Variants in RNLS observed in about 807,000 individuals in gnomAD.
RNLS encodes renalase, FAD dependent amine oxidase.
Under a neutral mutation model 39.8 loss-of-function variants are expected in RNLS, and 39 were observed. The ratio of observed to expected loss-of-function variants is 0.98; its 90% CI spans 0.76 to 1.28. The LOEUF (loss-of-function observed/expected upper bound fraction) is 1.28, where lower values mean the gene tolerates loss of function less well. Among genes scored for constraint, RNLS ranks in the 50% most tolerant of loss-of-function variants. The pLI, the probability that RNLS is intolerant of heterozygous loss-of-function variation, is 0.00. For missense variants in RNLS, 410 were observed against 413.3 expected (o/e 0.99, Z 0.07); for synonymous variants, 147 against 150.7 (o/e 0.98, Z 0.18).
chr10:88,402,723 CTA>C (rs1275666980), intron 4 of RNLS, among the ~76,000 whole-genome samples: 1 of 151,872 alleles, frequency 6.6e-6, no homozygotes, highest in African/African-American at 2.4e-5. Flanking sequence ...CTAGAAAATT[CTA>C]TCTTATAGAA....
At chr10:88,334,509 A>G (rs1016173608) in intron 5 of RNLS, among the ~76,000 whole-genome samples, 38 of 152,334 alleles carry the variant, frequency 2.5e-4, no homozygotes, top group African/African-American at 8.4e-4. Flanking sequence ...GACTCACTTC[A>G]TTTGAAAGGA....
intron 4 of RNLS, among the ~76,000 whole-genome samples, chr10:88,491,029 A>G (rs1243032903): frequency 6.6e-6 from 1 of 152,184 alleles, no homozygotes; most frequent in Non-Finnish European, 1.5e-5. Flanking sequence ...TCTGTAAGAA[A>G]GCACACAGAT....
the RNLS span, among the ~76,000 whole-genome samples, chr10:88,172,842 G>GTTTTTTTT: frequency 0.039 from 1,718 of 43,602 alleles, 605 homozygotes; most frequent in East Asian, 0.051. Flanking sequence ...ATTTTGAGTT[G>GTTTTTTTT]TTTTTTTTTT....
At chr10:88,484,987 T>C (rs1452864927) in intron 4 of RNLS, among the ~76,000 whole-genome samples, 2 of 151,994 alleles carry the variant, frequency 1.3e-5, no homozygotes. Flanking sequence ...GCATCTCATG[T>C]TATTTGATGC....
At chr10:88,231,365 A>T in the RNLS span, among the ~76,000 whole-genome samples, 1 of 152,238 alleles carries the variant, frequency 6.6e-6, no homozygotes, top group African/African-American at 2.4e-5. Context: ...GAGGCCTCAG[A>T]AGAAACACCC....
intron 4 of RNLS, among the ~76,000 whole-genome samples, chr10:88,409,582 T>A (rs908212657): frequency 1.3e-5 from 2 of 152,106 alleles, no homozygotes; most frequent in African/African-American, 2.4e-5. Flanking sequence ...TTTGAAAATG[T>A]ATGTTACTTA....
rs553099105 is a variant in RNLS at position 88,333,451 on chromosome 10, C to T, written c.701-18810G>A. Reference sequence around the variant, plus strand: ...TCCTGAAATTTTCTACAAATGAGCCCGCATATTTACTTCCCGTTTAATAAC... The same window carrying T: ...TCCTGAAATTTTCTACAAATGAGCCTGCATATTTACTTCCCGTTTAATAAC... On this transcript the variant is annotated intron_variant, in intron 5 of 6. Coordinates refer to ENST00000331772, the MANE Select transcript of RNLS (RefSeq NM_001031709.3). Among the ~76,000 whole-genome samples, 18 of 152,186 alleles carry T rather than the reference C, an allele frequency of 1.2e-4. 1 individual carries two copies. Among genetic ancestry groups the T allele is most frequent in the Non-Finnish European group, 2.4e-4 (16 of 68,006 alleles).
intron 4 of RNLS, among the ~76,000 whole-genome samples, chr10:88,435,756 G>T (rs529084882): frequency 6.6e-6 from 1 of 152,130 alleles, no homozygotes; most frequent in South Asian, 2.1e-4. Flanking sequence ...CTGCTGAGAG[G>T]ATTAAAGAAG....
At chr10:88,308,363 G>T (rs922465937) in intron 6 of RNLS, among the ~76,000 whole-genome samples, 19 of 151,994 alleles carry the variant, frequency 1.3e-4, no homozygotes, top group African/African-American at 1.7e-4. Flanking sequence ...TAGAATAAGA[G>T]AAAATTTTTG....
chr10:88,268,882 C>A (rs1285949080), downstream of RNLS, among the ~76,000 whole-genome samples: 1 of 152,206 alleles, frequency 6.6e-6, no homozygotes, highest in Non-Finnish European at 1.5e-5. Context: ...GTGGCCAATA[C>A]AACATGAAGC....
chr10:88,534,295 T>G (rs1847616235), intron 4 of RNLS, among the ~76,000 whole-genome samples: 1 of 152,122 alleles, frequency 6.6e-6, no homozygotes, highest in African/African-American at 2.4e-5. Context: ...AGTTCTACCC[T>G]TGGCTCCCCT....
chr10:88,202,223 G>A, the RNLS span, among the ~76,000 whole-genome samples: 1 of 145,162 alleles, frequency 6.9e-6, no homozygotes, highest in African/African-American at 2.5e-5. Flanking sequence ...CCGCATGTTC[G>A]CACTCATAGG....
At chr10:88,487,783 G>T (rs1211572284) in intron 4 of RNLS, among the ~76,000 whole-genome samples, 2 of 152,064 alleles carry the variant, frequency 1.3e-5, no homozygotes, top group African/African-American at 4.8e-5. Flanking sequence ...GCCCACAAAT[G>T]ATCATAGCAG....
intron 4 of RNLS, among the ~76,000 whole-genome samples, chr10:88,456,360 T>C (rs56353002): frequency 9.2e-5 from 14 of 151,586 alleles, no homozygotes; most frequent in Non-Finnish European, 1.8e-4. Context: ...TGATGATATA[T>C]ATAATATTTA....
chr10:88,372,484 A>C (rs1850644120), intron 4 of RNLS, among the ~76,000 whole-genome samples: 1 of 152,134 alleles, frequency 6.6e-6, no homozygotes, highest in African/African-American at 2.4e-5. Context: ...GCTGCTTTAC[A>C]AACTACCCAC....
chr10:88,377,285 TCTC>T (rs569014425), intron 4 of RNLS, among the ~76,000 whole-genome samples: 117 of 152,198 alleles, frequency 7.7e-4, no homozygotes, highest in Middle Eastern at 3.4e-3. Flanking sequence ...GTTATTTTCT[TCTC>T]ATCTTCTAAA....
chr10:88,216,146 T>A, the RNLS span, among the ~76,000 whole-genome samples: 1 of 152,166 alleles, frequency 6.6e-6, no homozygotes. Flanking sequence ...AAAATAGAAA[T>A]GAATCAATCC....
chr10:88,187,179 A>T, the RNLS span, among the ~76,000 whole-genome samples: 5 of 7,678 alleles, frequency 6.5e-4, 1 homozygote, highest in African/African-American at 1.6e-3. Flanking sequence ...TATATATATA[A>T]TATATATAAT....
chr10:88,507,709 T>C (rs1008464756), intron 4 of RNLS, among the ~76,000 whole-genome samples: 36 of 152,198 alleles, frequency 2.4e-4, no homozygotes, highest in African/African-American at 8.2e-4. Flanking sequence ...CTGATAGTTT[T>C]TGAAGTACTT....
Sources: allele counts gnomAD v4.1 joint callset (sites outside exome capture counted in the v4.1 genomes callset), GRCh38; gene constraint gnomAD v4.1.1; transcripts MANE v1.5; gene names NCBI Gene and HGNC (gene_info 2026-07-23, HGNC 2026-07-21).